MYO5B: variants seen among roughly 807,000 people sequenced by gnomAD.
The protein encoded by MYO5B is myosin VB, also known as unconventional myosin-Vb.
Under a neutral mutation model 229.3 loss-of-function variants are expected in MYO5B, and 143 were observed. That is an observed-to-expected ratio of 0.62 (90% CI 0.54 to 0.72). The LOEUF (loss-of-function observed/expected upper bound fraction) is 0.72. MYO5B is among the 30% of genes least tolerant of loss of function. The pLI, the probability that MYO5B is intolerant of heterozygous loss-of-function variation, is 0.00. For synonymous variants in MYO5B, 918 were observed against 885.2 expected, an observed-to-expected ratio of 1.04 and a Z score of -0.66; for missense variants, 2,321 against 2,331.0, an observed-to-expected ratio of 1.00 and a Z score of 0.09.
intron 1 of MYO5B, among the ~76,000 whole-genome samples, chr18:50,087,988 G>A (rs960802015): frequency 6.6e-6 from 1 of 152,214 alleles, no homozygotes; most frequent in Non-Finnish European, 1.5e-5. Context: ...CTTTTGGCTG[G>A]AAGGTTAGAA....
At chr18:49,872,055 G>A in intron 27 of MYO5B, 112 bp downstream of exon 27, 1 of 1,006,772 alleles carries the variant, frequency 9.9e-7, no homozygotes, top group African/African-American at 1.6e-5. Flanking sequence ...CCTGCTTACT[G>A]CTCTCCTTGT....
intron 10 of MYO5B, among the ~76,000 whole-genome samples, chr18:49,971,130 C>A (rs12958094): frequency 0.57 from 87,229 of 152,036 alleles, 26,480 homozygotes; most frequent in Non-Finnish European, 0.68. Flanking sequence ...AACTCAAAAA[C>A]TAAACAACGC....
At chr18:49,934,734 G>GAGCA (rs1182900265) in intron 16 of MYO5B, among the ~76,000 whole-genome samples, 5 of 152,344 alleles carry the variant, frequency 3.3e-5, no homozygotes, top group African/African-American at 1.2e-4. Context: ...AGGAAGGGAA[G>GAGCA]AGCAAGCAAG....
At chr18:50,010,378 G>A (rs1222402945) in intron 4 of MYO5B, among the ~76,000 whole-genome samples, 1 of 152,188 alleles carries the variant, frequency 6.6e-6, no homozygotes, top group Non-Finnish European at 1.5e-5. Flanking sequence ...CCCGGGGAGT[G>A]CCACCCAGCC....
intron 14 of MYO5B, among the ~76,000 whole-genome samples, chr18:49,944,599 A>AG (rs988021571): frequency 1.2e-4 from 19 of 152,062 alleles, no homozygotes; most frequent in Admixed American, 1.1e-3. Context: ...CAAACCTCTC[A>AG]GGCTTACTAG....
intron 13 of MYO5B, among the ~76,000 whole-genome samples, chr18:49,954,024 ATGTGTGTGTGTGTG>A (rs766610907): frequency 1.3e-3 from 69 of 51,140 alleles, no homozygotes; most frequent in East Asian, 3.7e-3. Flanking sequence ...ATGTATTTAT[ATGTGTGTGTGTGTG>A]TGTGTGTGTG....
intron 9 of MYO5B, 121 bp downstream of exon 9, chr18:49,980,323 C>A: frequency 1.3e-6 from 1 of 794,310 alleles, no homozygotes; most frequent in Non-Finnish European, 2.2e-6. Context: ...TGAACAGAAA[C>A]CATTACTGTT....
At chr18:49,889,084 C>A (rs1160996620) in intron 22 of MYO5B, among the ~76,000 whole-genome samples, 5 of 152,254 alleles carry the variant, frequency 3.3e-5, no homozygotes, top group Non-Finnish European at 7.3e-5. Flanking sequence ...GCCCTGCAGA[C>A]CAAGTTAAGG....
At chr18:49,873,742 C>T (rs935205646) in intron 26 of MYO5B, among the ~76,000 whole-genome samples, 33 of 152,154 alleles carry the variant, frequency 2.2e-4, no homozygotes, top group Non-Finnish European at 4.4e-5. Flanking sequence ...CTGGCAGTCA[C>T]GTTCGTAAGT....
intron 22 of MYO5B, among the ~76,000 whole-genome samples, chr18:49,889,941 TG>T (rs905694573): frequency 1.3e-5 from 2 of 152,236 alleles, no homozygotes; most frequent in African/African-American, 4.8e-5. Flanking sequence ...CTTTGATTCA[TG>T]AATGCAGGTC....
At chr18:50,071,422 A>G (rs1251626346) in intron 1 of MYO5B, among the ~76,000 whole-genome samples, 1 of 152,214 alleles carries the variant, frequency 6.6e-6, no homozygotes, top group African/African-American at 2.4e-5. Flanking sequence ...GGGCCTGCAA[A>G]GCACTGAAGC....
chr18:50,002,105 T>C (rs1470976150), intron 4 of MYO5B, among the ~76,000 whole-genome samples: 1 of 151,988 alleles, frequency 6.6e-6, no homozygotes. Context: ...TTCCCTAACA[T>C]TCCCATCTTG....
At chr18:49,889,675 G>T (rs1295929685) in intron 22 of MYO5B, among the ~76,000 whole-genome samples, 2 of 152,216 alleles carry the variant, frequency 1.3e-5, no homozygotes, top group African/African-American at 4.8e-5. Flanking sequence ...CATCCTTTGA[G>T]CATCCTACAC....
intron 14 of MYO5B, among the ~76,000 whole-genome samples, chr18:49,939,630 G>T (rs1053387670): frequency 1.3e-5 from 2 of 152,190 alleles, no homozygotes; most frequent in Non-Finnish European, 2.9e-5. Flanking sequence ...TCCAACCTCT[G>T]TTCCCTCCAC....
chr18:50,131,657 T>G (rs370738866), intron 1 of MYO5B, among the ~76,000 whole-genome samples: 5 of 152,330 alleles, frequency 3.3e-5, no homozygotes, highest in African/African-American at 9.6e-5. Flanking sequence ...TAAAAGCATT[T>G]GTAGCTCAAA....
At chr18:49,873,519 G>A (rs1047705289) in intron 26 of MYO5B, among the ~76,000 whole-genome samples, 13 of 152,180 alleles carry the variant, frequency 8.5e-5, no homozygotes, top group African/African-American at 2.7e-4. Context: ...CCCCTCCAAG[G>A]TACCAGTGTC....
chr18:50,162,249 T>C (rs996147833), intron 1 of MYO5B, among the ~76,000 whole-genome samples: 2 of 152,256 alleles, frequency 1.3e-5, no homozygotes, highest in Admixed American at 6.5e-5. Context: ...AGCAATATAG[T>C]GTGAGGAAAG....
intron 1 of MYO5B, among the ~76,000 whole-genome samples, chr18:50,084,348 C>A (rs141142942): frequency 1.3e-5 from 2 of 152,110 alleles, no homozygotes; most frequent in Non-Finnish European, 2.9e-5. Context: ...AGAGGAACTG[C>A]CTACTTAATT....
intron 5 of MYO5B, 47 bp downstream of exon 5, chr18:50,001,208 T>A (rs756139111): frequency 6.2e-7 from 1 of 1,612,970 alleles, no homozygotes; most frequent in Non-Finnish European, 8.5e-7. Flanking sequence ...TTGCTGCCAG[T>A]GGGAGGAGCT....
Sources: allele counts gnomAD v4.1 joint callset (sites outside exome capture counted in the v4.1 genomes callset), GRCh38; gene constraint gnomAD v4.1.1; transcripts MANE v1.5; gene names NCBI Gene and HGNC (gene_info 2026-07-23, HGNC 2026-07-21).